RMND1: variants seen among roughly 807,000 people sequenced by gnomAD.
The protein encoded by RMND1 is required for meiotic nuclear division 1 homolog.
Under a neutral mutation model 54.0 loss-of-function variants are expected in RMND1, and 41 were observed. The observed-to-expected ratio is 0.76, with a 90% CI of 0.59 to 0.98. The LOEUF (loss-of-function observed/expected upper bound fraction) is 0.98, where lower values mean the gene tolerates loss of function less well. RMND1 is among the 50% of genes least tolerant of loss of function. RMND1 has a pLI of 0.00. For missense variants in RMND1, 457 were observed against 532.0 expected (o/e 0.86, Z 1.39); for synonymous variants, 183 against 181.7 (o/e 1.01, Z -0.06).
At position 151,412,695 on chromosome 6, in the gene RMND1, T is replaced by C. The variant is rs1287791753; in HGVS notation, c.1200+4584A>G. Among the ~76,000 whole-genome samples the C allele has an allele frequency of 2.0e-5, 3 of 152,300 alleles. No homozygotes were observed. The East Asian group carries it at 5.8e-4, about 29-fold the overall frequency. ...CAGGAAGCATGATGCTGGCATGTGC[T>C]TGGCTTCTGGGGAAGCCTCCAGAAA... On this transcript the variant is annotated intron_variant, in intron 10 of 11. Coordinates refer to ENST00000444024, the MANE Select transcript of RMND1 (RefSeq NM_017909.4).
chr6:151,436,481 G>A lies in RMND1; in HGVS notation c.578C>T (p.Ser193Phe). 1.2e-6 allele frequency: 2 copies of A among 1,614,074 alleles called. No individual in the cohort carries two copies. The highest frequency in any genetic ancestry group is 1.7e-6 in the Non-Finnish European group (2 of 1,179,928). Reference protein sequence around the residue: ...HLGNLSQDLASHGYVEVTSLP... With the variant: ...HLGNLSQDLAFHGYVEVTSLP... ...GCTTGTTACTTCAACATATCCGTGG[G>A]AGGCCAGATCTTGAGACAGATTTCC... is the stretch of plus-strand genomic sequence containing the variant. Residue 193 changes from serine (S) to phenylalanine (F), a missense_variant, in exon 3 of 12, where the codon TCC (serine) becomes TTC (phenylalanine). Coordinates refer to ENST00000444024, the MANE Select transcript of RMND1 (RefSeq NM_017909.4).
At chr6:151,420,083 T>TA (rs914693257) in intron 9 of RMND1, among the ~76,000 whole-genome samples, 1 of 152,208 alleles carries the variant, frequency 6.6e-6, no homozygotes, top group African/African-American at 2.4e-5. Context: ...AACAGGATAG[T>TA]AAAAGTAAGC....
intron 9 of RMND1, among the ~76,000 whole-genome samples, chr6:151,419,890 A>G (rs1249806821): frequency 1.3e-5 from 2 of 152,120 alleles, no homozygotes; most frequent in Non-Finnish European, 2.9e-5. Flanking sequence ...AAGCAAACAC[A>G]TGTACATGTG....
chr6:151,446,887 T>C (rs1007535999), intron 1 of RMND1, among the ~76,000 whole-genome samples: 24 of 144,408 alleles, frequency 1.7e-4, no homozygotes, highest in African/African-American at 5.5e-4. Flanking sequence ...GGCGACAGAA[T>C]GAGACTCTGT....
At chr6:151,405,950 G>T in intron 10 of RMND1, 114 bp from the exon 11 acceptor site, 1 of 521,868 alleles carries the variant, frequency 1.9e-6, no homozygotes, top group Non-Finnish European at 3.4e-6. Context: ...CTCCCCAAAG[G>T]CAGCCACCAA....
chr6:151,418,048 T>C (rs140778297), intron 9 of RMND1, among the ~76,000 whole-genome samples: 1,561 of 152,160 alleles, frequency 0.01, 25 homozygotes, highest in African/African-American at 0.033. Context: ...TCACGTGATC[T>C]GCCTACCTCA....
intron 1 of RMND1, among the ~76,000 whole-genome samples, chr6:151,450,764 G>A (rs1036698343): frequency 7.2e-6 from 1 of 139,290 alleles, no homozygotes; most frequent in Non-Finnish European, 1.6e-5. Context: ...TAGAAAGGGG[G>A]GAAAGGGGGG....
At chr6:151,415,595 C>T (rs1779977596) in intron 10 of RMND1, among the ~76,000 whole-genome samples, 1 of 151,956 alleles carries the variant, frequency 6.6e-6, no homozygotes, top group Non-Finnish European at 1.5e-5. Context: ...CGAGACCATC[C>T]TGGCTAAACA....
Position 151,433,206 on chromosome 6 carries a change from C to T in RMND1, c.638G>A (p.Gly213Asp), listed in dbSNP as rs1333731823. The T allele has an allele frequency of 6.2e-7, 1 of 1,611,890 alleles. No homozygotes were observed. Among genetic ancestry groups the T allele is most frequent in the Non-Finnish European group, 8.5e-7 (1 of 1,178,856 alleles). Reference sequence around the variant, plus strand: ...ACCTTCTTTTGCAGAATTTTCCACACCCATCACCAAAATATTTGCTGCATC... The same window carrying T: ...ACCTTCTTTTGCAGAATTTTCCACATCCATCACCAAAATATTTGCTGCATC... ...PRDAANILVM[G>D]VENSAKEGDP... Residue 213 changes from glycine (G) to aspartate (D), a missense_variant, in exon 4 of 12, where the codon GGT becomes GAT. By Grantham distance (94) the Gly-to-Asp change is moderately conservative. Transcript: ENST00000444024.
chr6:151,433,575 T>A (rs1780506649), intron 3 of RMND1, among the ~76,000 whole-genome samples: 1 of 152,114 alleles, frequency 6.6e-6, no homozygotes, highest in South Asian at 2.1e-4. Context: ...GAATTAAACT[T>A]CTTTCTACAA....
At chr6:151,414,236 A>G (rs897009504) in intron 10 of RMND1, among the ~76,000 whole-genome samples, 4 of 152,192 alleles carry the variant, frequency 2.6e-5, no homozygotes, top group African/African-American at 9.6e-5. Context: ...ATACCTGGCT[A>G]ATTTTTTTAA....
intron 1 of RMND1, among the ~76,000 whole-genome samples, chr6:151,451,200 A>T (rs867122974): frequency 8.9e-4 from 58 of 65,104 alleles, no homozygotes; most frequent in African/African-American, 7.1e-3. Flanking sequence ...ATGATCAATA[A>T]AAAAAAAAAA....
intron 8 of RMND1, 149 bp downstream of exon 8, chr6:151,422,392 G>C (rs1194438529): frequency 8.6e-6 from 4 of 462,584 alleles, no homozygotes; most frequent in Non-Finnish European, 1.6e-5. Flanking sequence ...TCAGGGATTT[G>C]GACACTGGTA....
At chr6:151,417,811 ATT>A (rs764636849) in intron 9 of RMND1, among the ~76,000 whole-genome samples, 6 of 142,564 alleles carry the variant, frequency 4.2e-5, no homozygotes, top group Admixed American at 7.0e-5. Context: ...TTTGTTTTCA[ATT>A]TTTTTTTTTT....
intron 5 of RMND1, 48 bp from the exon 6 acceptor site, chr6:151,427,630 TTCAAG>T: frequency 1.7e-6 from 2 of 1,153,512 alleles, no homozygotes; most frequent in South Asian, 1.2e-5. Context: ...ACTCCCTCAG[TTCAAG>T]TATGTTATGA....
chr6:151,451,012 T>C (rs1360354107), intron 1 of RMND1, among the ~76,000 whole-genome samples: 2 of 152,060 alleles, frequency 1.3e-5, no homozygotes, highest in African/African-American at 2.4e-5. Context: ...AGCGTGCTGG[T>C]TAAGAGTCAT....
At chr6:151,416,053 A>G (rs1400556457) in intron 10 of RMND1, among the ~76,000 whole-genome samples, 1 of 151,992 alleles carries the variant, frequency 6.6e-6, no homozygotes, top group Non-Finnish European at 1.5e-5. Flanking sequence ...ACCTCAGCTC[A>G]CTGCAACCTC....
intron 7 of RMND1, among the ~76,000 whole-genome samples, chr6:151,423,319 T>C (rs1049214516): frequency 6.6e-5 from 10 of 152,220 alleles, no homozygotes; most frequent in Admixed American, 1.3e-4. Flanking sequence ...GGTTAAGCTT[T>C]ATTAATACAA....
At chr6:151,432,579 G>A (rs1780479660) in intron 4 of RMND1, among the ~76,000 whole-genome samples, 2 of 151,994 alleles carry the variant, frequency 1.3e-5, no homozygotes, top group African/African-American at 2.4e-5. Context: ...GACCTTCATC[G>A]GTGTGCTGAG....
Sources: gnomAD v4.1 joint callset for allele counts (sites outside exome capture counted in the v4.1 genomes callset) on GRCh38, gnomAD v4.1.1 for gene constraint, MANE v1.5 for transcripts, NCBI Gene and HGNC (gene_info 2026-07-23, HGNC 2026-07-21) for gene names.